The following HERC3 variants were observed in gnomAD, a reference collection of about 807,000 sequenced individuals.
HERC3 encodes the protein probable E3 ubiquitin-protein ligase HERC3.
A neutral mutation model predicts 129.9 loss-of-function variants in HERC3; 58 were observed. The observed-to-expected ratio is 0.45, with a 90% CI of 0.36 to 0.56. The LOEUF is 0.56. HERC3 is among the 20% of genes least tolerant of loss of function. HERC3 has a pLI of 0.00. For synonymous variants in HERC3, 430 were observed against 451.0 expected (o/e 0.95, Z 0.59); for missense variants, 835 against 1,244.2 (o/e 0.67, Z 4.95).
rs144594820 is a variant in HERC3, at chr4:88,691,168, G to A, written c.2657+3869G>A. ...GTCGTTTCAGACAGAAATTTTGATT[G>A]CATTTTACTGTGTTCAAGATGTACA... On this transcript the variant is annotated intron_variant, in intron 23 of 25. Coordinates refer to ENST00000402738, the MANE Select transcript of HERC3 (RefSeq NM_014606.3). 1.2e-4 allele frequency among the ~76,000 whole-genome samples: 19 copies of A among 152,308 alleles called. No individual in the cohort carries two copies. The East Asian group carries it at 2.9e-3, about 23-fold the overall frequency.
At chr4:88,685,355 C>T (rs1733308551) in intron 21 of HERC3, among the ~76,000 whole-genome samples, 1 of 152,144 alleles carries the variant, frequency 6.6e-6, no homozygotes, top group Non-Finnish European at 1.5e-5. Flanking sequence ...CCCAAATGCC[C>T]ATCAATGATA....
At chr4:88,525,530 T>C in the HERC3 span, among the ~76,000 whole-genome samples, 1 of 152,228 alleles carries the variant, frequency 6.6e-6, no homozygotes, top group South Asian at 2.1e-4. Flanking sequence ...GACAGATCTC[T>C]ATCAACTGGG....
At chr4:88,557,614 C>G in the HERC3 span, among the ~76,000 whole-genome samples, 3 of 151,924 alleles carry the variant, frequency 2.0e-5, no homozygotes, top group Non-Finnish European at 4.4e-5. Context: ...TCTGTGTAGT[C>G]TCATTATATA....
chr4:88,524,139 G>A, the HERC3 span, among the ~76,000 whole-genome samples: 1 of 152,192 alleles, frequency 6.6e-6, no homozygotes, highest in Non-Finnish European at 1.5e-5. Flanking sequence ...TATTGTCATG[G>A]ATGTATTGAA....
intron 23 of HERC3, chr4:88,697,635 C>A (rs778506621): frequency 6.2e-7 from 1 of 1,613,818 alleles, no homozygotes. Flanking sequence ...GGTCACCAGC[C>A]GCGCTGTCAC....
chr4:88,672,188 T>C (rs1232395121), intron 16 of HERC3, among the ~76,000 whole-genome samples: 1 of 152,194 alleles, frequency 6.6e-6, no homozygotes, highest in African/African-American at 2.4e-5. Context: ...TAATTCTTTT[T>C]TACTCTGAAA....
At chr4:88,550,522 C>T in the HERC3 span, among the ~76,000 whole-genome samples, 1 of 152,058 alleles carries the variant, frequency 6.6e-6, no homozygotes, top group African/African-American at 2.4e-5. Context: ...CATGAGTGAA[C>T]TCCCATTCAC....
chr4:88,640,940 T>G (rs2869664), intron 3 of HERC3, among the ~76,000 whole-genome samples: 66,924 of 152,006 alleles, frequency 0.44, 18,871 homozygotes, highest in African/African-American at 0.79. Context: ...ATATAGAAGT[T>G]CACCATCAAA....
chr4:88,653,182 T>G, intron 6 of HERC3, 92 bp downstream of exon 6: 1 of 1,237,162 alleles, frequency 8.1e-7, no homozygotes, highest in South Asian at 1.4e-5. Flanking sequence ...TAGCCCCATG[T>G]GAGATACTAA....
the HERC3 span, among the ~76,000 whole-genome samples, chr4:88,540,748 C>T: frequency 1.3e-3 from 197 of 152,234 alleles, no homozygotes; most frequent in African/African-American, 4.0e-3. Context: ...GCAGATCTCT[C>T]GGCAGAAACT....
chr4:88,624,774 C>T (rs1275952251), intron 3 of HERC3, among the ~76,000 whole-genome samples: 2 of 152,020 alleles, frequency 1.3e-5, no homozygotes, highest in Non-Finnish European at 2.9e-5. Flanking sequence ...AGAATTTTAC[C>T]TAACTCACAG....
chr4:88,591,924 C>T (rs1244133189), upstream of HERC3, among the ~76,000 whole-genome samples: 5 of 152,208 alleles, frequency 3.3e-5, no homozygotes, highest in Non-Finnish European at 5.9e-5. Flanking sequence ...CCCACCTCTC[C>T]AGAAGAGCGC....
chr4:88,656,645 G>C (rs1439777946), intron 9 of HERC3: 1 of 152,464 alleles, frequency 6.6e-6, no homozygotes, highest in African/African-American at 2.4e-5. Flanking sequence ...GTTTTGACCA[G>C]AACATACATT....
chr4:88,686,576 T>G (rs1733489704), intron 21 of HERC3, among the ~76,000 whole-genome samples, 160 bp from the exon 22 acceptor site: 1 of 152,226 alleles, frequency 6.6e-6, no homozygotes, highest in East Asian at 1.9e-4. Flanking sequence ...CTCTGCAAGG[T>G]GTAGGTACAT....
At chr4:88,600,408 C>T (rs1263588621) in intron 2 of HERC3, among the ~76,000 whole-genome samples, 1 of 152,094 alleles carries the variant, frequency 6.6e-6, no homozygotes, top group Non-Finnish European at 1.5e-5. Context: ...GACGCATAAC[C>T]TTTTTTTATG....
the HERC3 span, among the ~76,000 whole-genome samples, chr4:88,585,964 G>C: frequency 1.3e-5 from 2 of 152,152 alleles, no homozygotes; most frequent in Admixed American, 1.3e-4. Flanking sequence ...CTCAGATATC[G>C]TGTGTGTGTT....
chr4:88,704,622 T>C lies in HERC3; in HGVS notation c.2944+12T>C. ...GAAGAAGTTTCTCTGTAAGTATCAG[T>C]AATCTCAATATGGTATTTGTCTACA... On this transcript the variant is annotated intron_variant, in intron 25 of 25. Transcript: ENST00000402738. 1 of 1,436,926 alleles carries C rather than the reference T, an allele frequency of 7.0e-7. No homozygotes were observed. The highest frequency in any genetic ancestry group is 2.3e-5 in the East Asian group (1 of 44,020). 89.0% of individuals were successfully genotyped at this position (1,436,926 alleles called of 1,614,324 possible). A position where few individuals can be genotyped will look rare whatever the true frequency, so the allele number is the denominator to read the frequency against.
At chr4:88,665,655 T>A (rs746217007) in intron 12 of HERC3, among the ~76,000 whole-genome samples, 1 of 152,158 alleles carries the variant, frequency 6.6e-6, no homozygotes, top group Non-Finnish European at 1.5e-5. Flanking sequence ...TATTCCTTAA[T>A]CTAGTCATGT....
At chr4:88,627,451 G>A (rs921858794) in intron 3 of HERC3, among the ~76,000 whole-genome samples, 5 of 152,172 alleles carry the variant, frequency 3.3e-5, no homozygotes, top group African/African-American at 1.2e-4. Context: ...ATAGGAGGAT[G>A]TGTGTAGGTT....
Sources: gnomAD v4.1 joint callset for allele counts (sites outside exome capture counted in the v4.1 genomes callset) on GRCh38, gnomAD v4.1.1 for gene constraint, MANE v1.5 for transcripts, NCBI Gene and HGNC (gene_info 2026-07-23, HGNC 2026-07-21) for gene names.